CNTN2: variants seen among roughly 807,000 people sequenced by gnomAD.
CNTN2 encodes the protein contactin-2.
In CNTN2, 53 loss-of-function variants were observed where a neutral mutation model predicts 117.5. That is an observed-to-expected ratio of 0.45 (90% CI 0.36 to 0.57). CNTN2 has a LOEUF of 0.57. Ranked by LOEUF, CNTN2 falls within the 20% of genes least tolerant of loss-of-function variation. CNTN2 has a pLI of 0.00. For synonymous variants in CNTN2, 530 were observed against 561.7 expected (o/e 0.94, Z 0.80); for missense variants, 1,106 against 1,404.3 (o/e 0.79, Z 3.39).
At chr1:205,046,032 C>G (rs2096441032) in intron 1 of CNTN2, among the ~76,000 whole-genome samples, 1 of 152,174 alleles carries the variant, frequency 6.6e-6, no homozygotes, top group East Asian at 1.9e-4. Flanking sequence ...TGGCCACCCC[C>G]TCATCCTTCA....
At position 205,073,572 on chromosome 1, in the gene CNTN2, T is replaced by C; in HGVS notation, c.3014-84T>C. ...AGGCCTGCAGCTGGCCCTGTGAGTC[T>C]CCTTAGGAAAGGTCTCAATCTTGCC... On this transcript the variant is annotated intron_variant, in intron 22 of 22. Transcript: ENST00000331830. The surrounding 1 kb of genome is among the most constrained non-coding windows in gnomAD (Gnocchi z 6.3). The C allele has an allele frequency of 1.4e-5, 18 of 1,251,036 alleles. No individual in the cohort carries two copies. The highest frequency in any genetic ancestry group is 2.0e-5 in the Non-Finnish European group (18 of 879,816). The allele number at this position is 1,251,036 out of a possible 1,614,324, so 77.5% of individuals were successfully genotyped here.
intron 2 of CNTN2, 130 bp from the exon 3 acceptor site, chr1:205,057,790 AC>A: frequency 9.3e-7 from 1 of 1,074,596 alleles, no homozygotes; most frequent in Non-Finnish European, 1.3e-6. Context: ...GCTAGTGGTT[AC>A]CACATTGAAC....
chr1:205,072,144 C>T lies in CNTN2; in HGVS notation c.2731+11C>T. ...CGACCATGAAGCCCCGTGAGTCTGT[C>T]TGCCTGGGGTGGGGGTAGGGCAATA... On this transcript the variant is annotated intron_variant, in intron 20 of 22. Coordinates refer to ENST00000331830, the MANE Select transcript of CNTN2 (RefSeq NM_005076.5). 1 of 1,600,724 alleles carries T rather than the reference C, an allele frequency of 6.2e-7. No individual in the cohort carries two copies.
intron 16 of CNTN2, 68 bp from the exon 17 acceptor site, chr1:205,069,423 A>G: frequency 6.6e-7 from 1 of 1,526,398 alleles, no homozygotes; most frequent in Non-Finnish European, 9.0e-7. Flanking sequence ...CTACAGGCAC[A>G]GGCTCAGGGC....
Position 205,048,527 on chromosome 1 carries a change from C to A in CNTN2, c.-86-4573C>A, listed in dbSNP as rs79194553. On this transcript the variant is annotated intron_variant, in intron 1 of 22. Transcript: ENST00000331830. The surrounding 1 kb of genome is among the most constrained non-coding windows in gnomAD (Gnocchi z 4.1). ...TTGCCTGTGCCAGTCTGTGCCTGCACCCCTGCACCAGGGCAGCTGGCCTGG... is the reference window on the plus strand; with the variant it reads ...TTGCCTGTGCCAGTCTGTGCCTGCAACCCTGCACCAGGGCAGCTGGCCTGG... 6.8e-4 allele frequency among the ~76,000 whole-genome samples: 104 copies of A among 152,280 alleles called. 3 individuals carry two copies. The East Asian group carries it at 0.016, about 24-fold the overall frequency.
At chr1:205,047,690 T>G (rs1237940571) in intron 1 of CNTN2, among the ~76,000 whole-genome samples, 2 of 152,094 alleles carry the variant, frequency 1.3e-5, no homozygotes, top group Non-Finnish European at 2.9e-5. Flanking sequence ...GGTTTGTCAG[T>G]CTCCTAAATA....
At chr1:205,054,516 C>G (rs2151186829) in intron 2 of CNTN2, among the ~76,000 whole-genome samples, 1 of 152,344 alleles carries the variant, frequency 6.6e-6, no homozygotes, top group Middle Eastern at 3.4e-3. Context: ...CCAGACGGAG[C>G]AGAGGGGAGG....
Position 205,059,641 on chromosome 1 carries a change from G to A in CNTN2, c.756G>A (p.Leu252=), listed in dbSNP as rs1389797630. ...GGTTCCCAGCAGAGACCTATGCACT[G>A]GTGGGGCAGCAGGTCACCCTGGAGT... ...KARFPAETYA[L]VGQQVTLECF... is the part of the protein sequence containing the mutation. Residue 252 remains leucine (L), a synonymous_variant, in exon 7 of 23, where the codon CTG becomes CTA. Coordinates refer to ENST00000331830, the MANE Select transcript of CNTN2 (RefSeq NM_005076.5). This position sits in a 1 kb window ranked among gnomAD's most constrained non-coding sequence, Gnocchi z 5.6. 6.2e-7 allele frequency: 1 copy of A among 1,614,172 alleles called. No homozygotes were observed. The highest frequency in any genetic ancestry group is 1.1e-5 in the South Asian group (1 of 91,084).
chr1:205,053,435 A>C (rs2096456212), intron 2 of CNTN2, among the ~76,000 whole-genome samples, 180 bp downstream of exon 2: 1 of 152,090 alleles, frequency 6.6e-6, no homozygotes, highest in Non-Finnish European at 1.5e-5. Flanking sequence ...CTTTGAGTTT[A>C]GGAGGAGAGG....
chr1:205,069,005 TTTTGTTTGTTTGTTTG>T (rs55919821), intron 16 of CNTN2: 46,574 of 152,186 alleles, frequency 0.31, 8,126 homozygotes, highest in Non-Finnish European at 0.41. Flanking sequence ...AAGTAGTTTG[TTTTGTTTGTTTGTTTG>T]TTTGTTTGTT....
intron 15 of CNTN2, among the ~76,000 whole-genome samples, 178 bp downstream of exon 15, chr1:205,066,777 C>G (rs969327420): frequency 9.2e-5 from 14 of 152,168 alleles, no homozygotes; most frequent in African/African-American, 2.9e-4. Context: ...AAGACAGTCA[C>G]ACAGAAAGTA....
intron 10 of CNTN2, chr1:205,062,788 G>A: frequency 2.6e-6 from 1 of 384,564 alleles, no homozygotes; most frequent in Non-Finnish European, 4.5e-6. Context: ...CTTGTTCCAT[G>A]TCTGGCACAC....
rs374717575 is a variant in CNTN2 at position 205,058,999 on chromosome 1, A to G, written c.488-85A>G. The G allele has an allele frequency of 4.0e-6, 5 of 1,242,890 alleles. No homozygotes were observed. The highest frequency in any genetic ancestry group is 1.2e-6 in the Non-Finnish European group (1 of 862,364). 77.0% of individuals were successfully genotyped at this position (1,242,890 alleles called of 1,614,324 possible). ...GTGGCTGTCAGGACAGGGCTTGCAGAACCGCACCAGCATGCTGGGGTCCCA... is the reference window on the plus strand; with the variant it reads ...GTGGCTGTCAGGACAGGGCTTGCAGGACCGCACCAGCATGCTGGGGTCCCA... On this transcript the variant is annotated intron_variant, in intron 5 of 22. Transcript: ENST00000331830. This position sits in a 1 kb window ranked among gnomAD's most constrained non-coding sequence, Gnocchi z 4.3.
chr1:205,042,963 G>C (rs2096434485), upstream of CNTN2: 4 of 152,336 alleles, frequency 2.6e-5, no homozygotes, highest in South Asian at 8.3e-4. Flanking sequence ...AGCGCCCCGC[G>C]GCCTGTCCAT....
Position 205,057,955 on chromosome 1 carries a change from C to G in CNTN2, c.105C>G (p.Phe35Leu). ...CAGCCCTGGGATCCCAAACCACCTT[C>G]GGGCCTGTCTTTGAAGACCAGCCCC... ...WSSALGSQTT[F>L]GPVFEDQPLS... Residue 35 changes from phenylalanine to leucine, a missense_variant, in exon 3 of 23, where the codon TTC becomes TTG. Phe to Leu is a conservative substitution (Grantham distance 22). Transcript: ENST00000331830. 1 of 1,614,148 alleles carries G rather than the reference C, an allele frequency of 6.2e-7. No homozygotes were observed. Among genetic ancestry groups the G allele is most frequent in the South Asian group, 1.1e-5 (1 of 91,082 alleles).
In CNTN2 at chr1:205,048,917, G is replaced by A. The variant is rs2151182561; in HGVS notation, c.-86-4183G>A. On this transcript the variant is annotated intron_variant, in intron 1 of 22. Transcript: ENST00000331830. The surrounding 1 kb of genome is among the most constrained non-coding windows in gnomAD (Gnocchi z 4.1). The stretch of plus-strand genomic sequence containing the variant: ...CCTTTAGCCCAGACTCTGCGTGTGT[G>A]TGTGTGTGTGTGTGTGTGTGTGTGT... 1.5e-5 allele frequency among the ~76,000 whole-genome samples: 1 copy of A among 66,162 alleles called. No homozygotes were observed. Among genetic ancestry groups the A allele is most frequent in the East Asian group, 0.012 (1 of 82 alleles). The allele number at this position is 66,162 out of a possible 152,430, so 43.4% of individuals were successfully genotyped here. A position where few individuals can be genotyped will look rare whatever the true frequency, so the allele number is the denominator to read the frequency against.
At position 205,073,934 on chromosome 1, in the gene CNTN2, C is replaced by G; in HGVS notation, c.*169C>G. The G allele has an allele frequency of 3.2e-6, 2 of 621,340 alleles. No individual in the cohort carries two copies. The highest frequency in any genetic ancestry group is 2.7e-5 in the East Asian group (1 of 36,492). The allele number at this position is 621,340 out of a possible 1,614,324, so 38.5% of individuals were successfully genotyped here. On this transcript the variant is annotated 3_prime_UTR_variant, in exon 23 of 23. Transcript: ENST00000331830. The surrounding 1 kb of genome is among the most constrained non-coding windows in gnomAD (Gnocchi z 6.3). ...GGAGGTAGGATATTTTATATTCTGC[C>G]GCAGGATAGAACCCACGCAAGGATT...
In CNTN2 at chr1:205,053,121, G is replaced by A. The variant is rs1297661297; in HGVS notation, c.-65G>A. On this transcript the variant is annotated 5_prime_UTR_variant, in exon 2 of 23. Coordinates refer to ENST00000331830, the MANE Select transcript of CNTN2 (RefSeq NM_005076.5). ...CCAGGTCCTTTCTCAGCCTCCAGCT[G>A]GGCTGTCCCCAAGCTGAGCTGAGGC... The A allele has an allele frequency of 3.8e-6, 5 of 1,300,278 alleles. No homozygotes were observed. Among genetic ancestry groups the A allele is most frequent in the African/African-American group, 3.0e-5 (2 of 67,192 alleles). The allele number at this position is 1,300,278 out of a possible 1,614,324, so 80.5% of individuals were successfully genotyped here.
intron 1 of CNTN2, among the ~76,000 whole-genome samples, chr1:205,050,104 A>C (rs2096449777): frequency 6.6e-6 from 1 of 152,230 alleles, no homozygotes; most frequent in Non-Finnish European, 1.5e-5. Context: ...ATCCCAGCTC[A>C]CGAAGCTGTT....
Sources: allele counts gnomAD v4.1 joint callset (sites outside exome capture counted in the v4.1 genomes callset), GRCh38; gene constraint gnomAD v4.1.1; non-coding constraint Gnocchi (gnomAD v3.1); transcripts MANE v1.5; gene names NCBI Gene and HGNC (gene_info 2026-07-23, HGNC 2026-07-21).